RGPD3: variants seen among roughly 807,000 people sequenced by gnomAD.
RGPD3 encodes the protein ranBP2-like and GRIP domain-containing protein 3.
A neutral mutation model predicts 154.5 loss-of-function variants in RGPD3; 62 were observed. The observed-to-expected ratio is 0.40, with a 90% CI of 0.33 to 0.50. The LOEUF (loss-of-function observed/expected upper bound fraction) is 0.50, where lower values mean the gene tolerates loss of function less well. RGPD3 is among the 20% of genes least tolerant of loss of function. RGPD3 has a pLI of 0.59. For synonymous variants in RGPD3, 308 were observed against 607.0 expected (o/e 0.51, Z 7.24); for missense variants, 919 against 1,716.8 (o/e 0.54, Z 8.21).
intron 1 of RGPD3, among the ~76,000 whole-genome samples, chr2:106,466,150 G>C (rs1573308337): frequency 6.6e-6 from 1 of 152,198 alleles, no homozygotes. Context: ...CCAGGAGCGA[G>C]CACCGTCGGG....
At chr2:106,425,330 C>T (rs558812140) in intron 19 of RGPD3, 64 bp from the exon 20 acceptor site, 45 of 1,601,706 alleles carry the variant, frequency 2.8e-5, no homozygotes, top group Non-Finnish European at 3.4e-5. Context: ...GAAATACATA[C>T]CTTCTTCATT....
intron 21 of RGPD3, among the ~76,000 whole-genome samples, chr2:106,414,841 C>T (rs907315033): frequency 2.0e-5 from 3 of 151,456 alleles, no homozygotes; most frequent in African/African-American, 7.3e-5. Flanking sequence ...AGTGGCCTTG[C>T]ACAGTGGCAG....
At chr2:106,407,263 C>A (rs1464828822) in intron 22 of RGPD3, among the ~76,000 whole-genome samples, 1 of 151,932 alleles carries the variant, frequency 6.6e-6, no homozygotes, top group Non-Finnish European at 1.5e-5. Context: ...AAGATAGAAG[C>A]CACAATCTCT....
intron 20 of RGPD3, among the ~76,000 whole-genome samples, chr2:106,421,122 C>T: frequency 6.6e-6 from 1 of 152,156 alleles, no homozygotes. Flanking sequence ...GATTCTTGTT[C>T]CACTTCTGGT....
chr2:106,458,956 C>G (rs1482910984), intron 2 of RGPD3, among the ~76,000 whole-genome samples: 1 of 138,170 alleles, frequency 7.2e-6, no homozygotes, highest in African/African-American at 2.5e-5. Flanking sequence ...AGATATCTAA[C>G]CAAAAACAAA....
chr2:106,412,306 T>TGTTTTTTG (rs1558833025), intron 22 of RGPD3, among the ~76,000 whole-genome samples: 5 of 80,172 alleles, frequency 6.2e-5, no homozygotes, highest in East Asian at 1.3e-3. Flanking sequence ...TTTTTTTTTT[T>TGTTTTTTG]TTTTTTTTTT....
At chr2:106,423,022 C>CT (rs1677044334) in intron 20 of RGPD3, 21 bp downstream of exon 20, 3 of 965,508 alleles carry the variant, frequency 3.1e-6, no homozygotes, top group Non-Finnish European at 3.2e-6. Context: ...TTGTGCTTAA[C>CT]TTTAACAACA....
At position 106,405,074 on chromosome 2, in the gene RGPD3, T is replaced by C; in HGVS notation, c.*145A>G. The stretch of plus-strand genomic sequence containing the variant: ...TGTAAATGCAAACATATACACACTT[T>C]TTGACAAAAGAATGATGGTAATACA... On this transcript the variant is annotated 3_prime_UTR_variant, in exon 23 of 23. Coordinates refer to ENST00000409886, the MANE Select transcript of RGPD3 (RefSeq NM_001144013.2). The C allele has an allele frequency of 1.1e-6, 1 of 940,726 alleles. No homozygotes were observed. Among genetic ancestry groups the C allele is most frequent in the Non-Finnish European group, 1.6e-6 (1 of 619,372 alleles). The allele number at this position is 940,726 out of a possible 1,614,324, so 58.3% of individuals were successfully genotyped here.
At chr2:106,467,631 C>T (rs1373029892) in intron 1 of RGPD3, among the ~76,000 whole-genome samples, 1 of 142,360 alleles carries the variant, frequency 7.0e-6, no homozygotes, top group African/African-American at 2.7e-5. Flanking sequence ...GTCGAGGCAG[C>T]CGCCTCCACA....
chr2:106,451,673 T>A (rs1678128724), intron 6 of RGPD3, among the ~76,000 whole-genome samples: 1 of 151,052 alleles, frequency 6.6e-6, no homozygotes, highest in Non-Finnish European at 1.5e-5. Context: ...GATGTTTTTG[T>A]TCAATGGAAT....
At chr2:106,458,727 TAA>T (rs57559694) in intron 2 of RGPD3, among the ~76,000 whole-genome samples, 6,537 of 35,404 alleles carry the variant, frequency 0.18, 113 homozygotes, top group South Asian at 0.3. Context: ...AGATACTGCC[TAA>T]AAAAAAAAAA....
intron 1 of RGPD3, among the ~76,000 whole-genome samples, chr2:106,462,350 C>T (rs1363771581): frequency 6.6e-6 from 1 of 151,014 alleles, no homozygotes; most frequent in Non-Finnish European, 1.5e-5. Context: ...TTGCCTCTAA[C>T]CTGCTCACTT....
intron 7 of RGPD3, among the ~76,000 whole-genome samples, chr2:106,441,849 G>C (rs1010704475): frequency 1.7e-5 from 2 of 115,226 alleles, no homozygotes; most frequent in Admixed American, 1.0e-4. Flanking sequence ...GGGTGAAAGA[G>C]TGAGACTCCA....
chr2:106,405,401 G>A (rs1298551941), intron 22 of RGPD3, among the ~76,000 whole-genome samples, 172 bp from the exon 23 acceptor site: 2 of 142,036 alleles, frequency 1.4e-5, no homozygotes, highest in African/African-American at 2.6e-5. Flanking sequence ...TTTGAGACAG[G>A]GTCTTGCTCT....
In RGPD3 at chr2:106,451,107, AGAAAG is replaced by A. The variant is rs1678110764; in HGVS notation, c.782+1093_782+1097del. Among the ~76,000 whole-genome samples, 516 of 145,296 alleles carry A rather than the reference AGAAAG, an allele frequency of 3.6e-3. 2 individuals carry two copies. Among genetic ancestry groups the A allele is most frequent in the Middle Eastern group, 3.5e-3 (1 of 288 alleles). Reference sequence around the variant, plus strand: ...CCTCTCAAAAAAAAAAAAACAAAAAAGAAAGAAAGAAAGAAAGAAAGAAAGGAACC... The same window carrying A: ...CCTCTCAAAAAAAAAAAAACAAAAAAAAAGAAAGAAAGAAAGAAAGGAACC... On this transcript the variant is annotated intron_variant, in intron 6 of 22. Transcript: ENST00000409886.
intron 15 of RGPD3, 103 bp downstream of exon 15, chr2:106,434,125 T>C: frequency 6.3e-7 from 1 of 1,592,486 alleles, no homozygotes; most frequent in Non-Finnish European, 8.6e-7. Context: ...AATAACAACA[T>C]ATTACTGAGT....
rs1243277451 is a variant in RGPD3 at position 106,418,157 on chromosome 2, G to C, written c.4925-2168C>G. Among the ~76,000 whole-genome samples the C allele has an allele frequency of 3.3e-4, 47 of 144,364 alleles. 3 individuals carry two copies. Among genetic ancestry groups the C allele is most frequent in the Admixed American group, 9.1e-4 (13 of 14,228 alleles). 94.7% of individuals were successfully genotyped at this position (144,364 alleles called of 152,430 possible). A position where few individuals can be genotyped will look rare whatever the true frequency, so the allele number is the denominator to read the frequency against. ...AAAAAAACAAACAAAAAAAAACTTAGTCATCAAACTTTTAACTACGTTAGT... is the reference window on the plus strand; with the variant it reads ...AAAAAAACAAACAAAAAAAAACTTACTCATCAAACTTTTAACTACGTTAGT... On this transcript the variant is annotated intron_variant, in intron 20 of 22. Transcript: ENST00000409886.
intron 8 of RGPD3, among the ~76,000 whole-genome samples, chr2:106,440,316 CCTT>C (rs1206176010): frequency 6.3e-5 from 9 of 142,454 alleles, no homozygotes; most frequent in South Asian, 4.6e-4. Flanking sequence ...AAAAAACCCT[CCTT>C]CGAGTTAATT....
chr2:106,434,066 A>G (rs867487099), intron 15 of RGPD3, among the ~76,000 whole-genome samples, 162 bp downstream of exon 15: 44 of 148,944 alleles, frequency 3.0e-4, no homozygotes, highest in South Asian at 1.8e-3. Flanking sequence ...AACCTAAGAC[A>G]AAGCAAGCAA....
Sources: allele counts gnomAD v4.1 joint callset (sites outside exome capture counted in the v4.1 genomes callset), GRCh38; gene constraint gnomAD v4.1.1; transcripts MANE v1.5; gene names NCBI Gene and HGNC (gene_info 2026-07-23, HGNC 2026-07-21).